Variants in COL9A1 observed in about 807,000 individuals in gnomAD.
COL9A1 encodes the protein collagen type IX alpha 1 chain, also known as collagen alpha-1(IX) chain.
Under a neutral mutation model 142.6 loss-of-function variants are expected in COL9A1, and 104 were observed. That is an observed-to-expected ratio of 0.73 (90% CI 0.62 to 0.86). The LOEUF (loss-of-function observed/expected upper bound fraction) is 0.86. COL9A1 is among the 40% of genes least tolerant of loss of function. The probability of loss-of-function intolerance (pLI) is 0.00; values close to 1 mark genes in which losing one functional copy is unlikely to be tolerated. For missense variants in COL9A1, 1,210 were observed against 1,176.6 expected, an observed-to-expected ratio of 1.03 and a Z score of -0.42; for synonymous variants, 466 against 396.0, an observed-to-expected ratio of 1.18 and a Z score of -2.10.
chr6:70,233,668 T>C (rs1769702427), intron 35 of COL9A1, among the ~76,000 whole-genome samples: 1 of 152,230 alleles, frequency 6.6e-6, no homozygotes, highest in Admixed American at 6.5e-5. Flanking sequence ...TTTAGATATG[T>C]TTAAAACTAA....
At chr6:70,297,922 CTG>C (rs1186017385) in intron 4 of COL9A1, among the ~76,000 whole-genome samples, 1 of 152,084 alleles carries the variant, frequency 6.6e-6, no homozygotes, top group Non-Finnish European at 1.5e-5. Flanking sequence ...TAAGGATAAA[CTG>C]TGACTCTGTC....
intron 5 of COL9A1, among the ~76,000 whole-genome samples, chr6:70,292,071 T>C (rs963054238): frequency 2.6e-5 from 4 of 152,196 alleles, no homozygotes; most frequent in Non-Finnish European, 5.9e-5. Flanking sequence ...CCTTACATAG[T>C]GTTCTAATTC....
At chr6:70,220,393 T>TGGAGGG (rs1768804552) in intron 37 of COL9A1, among the ~76,000 whole-genome samples, 1 of 15,272 alleles carries the variant, frequency 6.5e-5, no homozygotes, top group African/African-American at 1.4e-4. Flanking sequence ...TGGCAGGGTG[T>TGGAGGG]GTGTGTGTGT....
chr6:70,246,025 T>G (rs997379647), intron 28 of COL9A1: 1 of 152,246 alleles, frequency 6.6e-6, no homozygotes, highest in Non-Finnish European at 1.5e-5. Context: ...TGCTGCCACA[T>G]ACGTCCCCAA....
At chr6:70,271,153 A>G (rs638167) in intron 14 of COL9A1, among the ~76,000 whole-genome samples, 11,263 of 152,280 alleles carry the variant, frequency 0.074, 962 homozygotes, top group African/African-American at 0.19. Flanking sequence ...GCGCCTTCAC[A>G]TAACATCACT....
At chr6:70,246,612 G>A (rs191039400) in intron 28 of COL9A1, among the ~76,000 whole-genome samples, 1 of 152,144 alleles carries the variant, frequency 6.6e-6, no homozygotes, top group African/African-American at 2.4e-5. Context: ...GAATCTGTAT[G>A]CATTTATGTT....
intron 37 of COL9A1, among the ~76,000 whole-genome samples, chr6:70,223,324 C>T (rs1426917006): frequency 6.6e-6 from 1 of 152,194 alleles, no homozygotes; most frequent in Non-Finnish European, 1.5e-5. Context: ...AAGCAATTTA[C>T]ATGGATTGAG....
At chr6:70,272,133 TA>T (rs1237496381) in intron 12 of COL9A1, 45 bp from the exon 13 acceptor site, 1 of 1,482,000 alleles carries the variant, frequency 6.7e-7, no homozygotes, top group South Asian at 1.2e-5. Context: ...GGTTTATACT[TA>T]GTATAAATAT....
chr6:70,234,312 A>AAAAG (rs1769753465), intron 35 of COL9A1, among the ~76,000 whole-genome samples: 3 of 151,678 alleles, frequency 2.0e-5, no homozygotes, highest in Admixed American at 1.3e-4. Flanking sequence ...AACAAAAAAA[A>AAAAG]GGCAGGATAA....
intron 21 of COL9A1, 122 bp from the exon 22 acceptor site, chr6:70,255,512 A>C: frequency 1.2e-6 from 1 of 844,754 alleles, no homozygotes; most frequent in South Asian, 1.4e-5. Context: ...GCTTTGCTCT[A>C]TCAAGGAAGC....
intron 10 of COL9A1, among the ~76,000 whole-genome samples, chr6:70,276,253 T>A (rs1223150436): frequency 1.3e-5 from 2 of 152,152 alleles, no homozygotes; most frequent in Non-Finnish European, 2.9e-5. Context: ...ACAAACAAAC[T>A]ATACATCCAG....
intron 37 of COL9A1, 147 bp from the exon 38 acceptor site, chr6:70,217,228 AT>A: frequency 1.4e-6 from 1 of 715,148 alleles, no homozygotes; most frequent in Non-Finnish European, 2.4e-6. Context: ...ATTGGTGATG[AT>A]GATGATGATG....
At chr6:70,278,158 A>G (rs1352451433) in intron 10 of COL9A1, among the ~76,000 whole-genome samples, 1 of 152,224 alleles carries the variant, frequency 6.6e-6, no homozygotes, top group African/African-American at 2.4e-5. Context: ...TAAAATATCT[A>G]TTACAAATGG....
At chr6:70,236,112 C>CAAAAAAAAAAAAAAAA (rs368419095) in intron 33 of COL9A1, among the ~76,000 whole-genome samples, 1 of 49,012 alleles carries the variant, frequency 2.0e-5, no homozygotes, top group Non-Finnish European at 3.2e-5. Flanking sequence ...GACTCCATCT[C>CAAAAAAAAAAAAAAAA]AAAAAAAAAA....
At chr6:70,223,338 C>A (rs1281483035) in intron 37 of COL9A1, among the ~76,000 whole-genome samples, 1 of 152,158 alleles carries the variant, frequency 6.6e-6, no homozygotes, top group Non-Finnish European at 1.5e-5. Flanking sequence ...GATTGAGTTT[C>A]TTTATTTCTC....
intron 10 of COL9A1, 59 bp from the exon 11 acceptor site, chr6:70,274,831 G>A (rs1772650759): frequency 5.9e-6 from 8 of 1,366,362 alleles, no homozygotes; most frequent in Middle Eastern, 1.8e-4. Context: ...AAACCACTAA[G>A]TAGAAAACTT....
At chr6:70,252,708 C>T (rs534938667) in intron 26 of COL9A1, among the ~76,000 whole-genome samples, 5 of 151,996 alleles carry the variant, frequency 3.3e-5, no homozygotes, top group African/African-American at 9.7e-5. Flanking sequence ...ATTAAGAATC[C>T]AACCAACATG....
At chr6:70,283,008 C>G in intron 6 of COL9A1, 90 bp from the exon 7 acceptor site, 1 of 1,612,984 alleles carries the variant, frequency 6.2e-7, no homozygotes, top group Non-Finnish European at 8.5e-7. Flanking sequence ...AGAGCCCCAA[C>G]AGCAGCAGCC....
chr6:70,279,752 C>A lies in COL9A1; in HGVS notation c.975+1060G>T, dbSNP rs1773016828. On this transcript the variant is annotated intron_variant, in intron 10 of 37. Coordinates refer to ENST00000357250, the MANE Select transcript of COL9A1 (RefSeq NM_001851.6). ...ATTATGGGAATCCCGACAAAGAAAG[C>A]ACACCTTAATAACAGTAAAAATCCA... The A allele has an allele frequency of 1.0e-5, 4 of 385,054 alleles. No individual in the cohort carries two copies. The Admixed American group carries it at 1.2e-4, about 11-fold the overall frequency. The allele number at this position is 385,054 out of a possible 1,614,324, so 23.9% of individuals were successfully genotyped here.
Sources: gnomAD v4.1 joint callset for allele counts (sites outside exome capture counted in the v4.1 genomes callset) on GRCh38, gnomAD v4.1.1 for gene constraint, MANE v1.5 for transcripts, NCBI Gene and HGNC (gene_info 2026-07-23, HGNC 2026-07-21) for gene names.